The following INSRR variants were observed in gnomAD, a reference collection of about 807,000 sequenced individuals.
The protein encoded by INSRR is insulin receptor-related protein.
In INSRR, 114 loss-of-function variants were observed where a neutral mutation model predicts 130.0. The ratio of observed to expected loss-of-function variants is 0.88; its 90% CI spans 0.75 to 1.02. The LOEUF is 1.02. INSRR is among the 50% of genes least tolerant of loss of function. The probability of loss-of-function intolerance (pLI) is 0.00; values close to 1 mark genes in which losing one functional copy is unlikely to be tolerated. For synonymous variants in INSRR, 674 were observed against 705.2 expected (o/e 0.96, Z 0.70); for missense variants, 1,657 against 1,735.2 (o/e 0.95, Z 0.80).
chr1:156,844,945 T>G, intron 12 of INSRR, 102 bp from the exon 13 acceptor site: 1 of 1,562,654 alleles, frequency 6.4e-7, no homozygotes, highest in South Asian at 1.2e-5. Context: ...GGGAAAGCTT[T>G]GGGATTATGG....
In INSRR at chr1:156,852,151, G is replaced by C. The variant is rs376798720; in HGVS notation, c.678C>G (p.Gly226=). The part of the protein sequence containing the change: ...CPHGMACTAR[G]ECCHTECLGG... ...CCAGGCATTCGGTGTGGCAGCACTC[G>C]CCCCTCGCTGTGCAAGCCATCCCAT... is the stretch of plus-strand genomic sequence containing the variant. Residue 226 remains glycine, a synonymous_variant, in exon 3 of 22, where the codon GGC becomes GGG. Transcript: ENST00000368195. 1.2e-6 allele frequency: 2 copies of C among 1,609,798 alleles called. No homozygotes were observed. The highest frequency in any genetic ancestry group is 2.2e-5 in the South Asian group (2 of 90,550).
At position 156,848,611 on chromosome 1, in the gene INSRR, G is replaced by A. The variant is rs188934642; in HGVS notation, c.1571+310C>T. 4.6e-4 allele frequency among the ~76,000 whole-genome samples: 70 copies of A among 152,316 alleles called. No individual in the cohort carries two copies. The East Asian group carries it at 0.012, about 25-fold the overall frequency. On this transcript the variant is annotated intron_variant, in intron 7 of 21. Transcript: ENST00000368195. ...ACCGCTGCTGGGGCAGGAGCGTGTG[G>A]TCAGTGTAGAACATTAGCATAATGA...
chr1:156,849,513 G>GGGGGGGGGGGGGGGGGGC, intron 5 of INSRR, 53 bp from the exon 6 acceptor site: 7 of 486,120 alleles, frequency 1.4e-5, no homozygotes, highest in East Asian at 1.1e-4. Flanking sequence ...CAGGGGGTGG[G>GGGGGGGGGGGGGGGGGGC]AAAGGGGATG....
In INSRR at chr1:156,845,086, G is replaced by A; in HGVS notation, c.2427C>T (p.Thr809=). The A allele has an allele frequency of 6.2e-7, 1 of 1,607,818 alleles. No homozygotes were observed. Among genetic ancestry groups the A allele is most frequent in the Non-Finnish European group, 8.5e-7 (1 of 1,177,746 alleles). ...GTGTGGATCACCTACTGTGGGGCATGGTGCGCGCAAAGACGAAGGTGGCGG... is the reference window on the plus strand; with the variant it reads ...GTGTGGATCACCTACTGTGGGGCATAGTGCGCGCAAAGACGAAGGTGGCGG... The part of the protein sequence containing the change: ...CSAATFVFAR[T]MPHREADGIP... The change falls in exon 12 of 22, where the codon ACC becomes ACT. Residue 809 remains threonine (T), a synonymous_variant. Transcript: ENST00000368195.
chr1:156,842,017 G>A, intron 19 of INSRR, 95 bp downstream of exon 19: 1 of 1,586,408 alleles, frequency 6.3e-7, no homozygotes, highest in Non-Finnish European at 8.6e-7. Context: ...GGTCTCACAG[G>A]CTGTCAGGAC....
At chr1:156,850,531 ATTCTTTTT>A (rs1655168770) in intron 5 of INSRR, among the ~76,000 whole-genome samples, 6 of 97,022 alleles carry the variant, frequency 6.2e-5, no homozygotes, top group African/African-American at 1.9e-4. Flanking sequence ...AATTTAAAAC[ATTCTTTTT>A]TTTTTTTTTT....
At chr1:156,845,055 G>A (rs1275017233) in intron 12 of INSRR, 21 bp downstream of exon 12, 1 of 1,587,076 alleles carries the variant, frequency 6.3e-7, no homozygotes, top group South Asian at 1.1e-5. Context: ...GGGGTAGAAG[G>A]TGTGTGTGTG....
In INSRR at chr1:156,844,816, A is replaced by G. The variant is rs200802232; in HGVS notation, c.2465T>C (p.Val822Ala). 187 of 1,613,936 alleles carry G rather than the reference A, an allele frequency of 1.2e-4. No individual in the cohort carries two copies. The highest frequency in any genetic ancestry group is 1.5e-4 in the Non-Finnish European group (174 of 1,180,008). Residue 822 changes from valine to alanine, a missense_variant, in exon 13 of 22, where the codon GTG becomes GCG. Coordinates refer to ENST00000368195, the MANE Select transcript of INSRR (RefSeq NM_014215.3). ...HREADGIPGK[V>A]AWEASSKNSV... ...GTTCTTGCTGGAGGCCTCCCAGGCC[A>G]CCTTTCCTGGAATACCATCAGCCTC...
At chr1:156,857,157 C>CTGTGTTTG in intron 1 of INSRR, among the ~76,000 whole-genome samples, 1 of 121,388 alleles carries the variant, frequency 8.2e-6, no homozygotes, top group East Asian at 2.3e-4. Flanking sequence ...TGCCCAGCAG[C>CTGTGTTTG]TGTGTATGTG....
rs756016646 is a variant in INSRR, at chr1:156,858,568, G to A, written c.54C>T (p.Leu18=). The change falls in exon 1 of 22, where the codon CTC becomes CTT. Residue 18 remains leucine (L), a synonymous_variant. Transcript: ENST00000368195. ...CTGTATCCAGGCCAAATCCCAAGGA[G>A]AGGAAGATCACAGGCAGGCATGCTC... The part of the protein sequence containing the change: ...PWGACLPVIF[L]SLGFGLDTVE... 1.9e-5 allele frequency: 30 copies of A among 1,613,962 alleles called. No homozygotes were observed. In the South Asian group the frequency reaches 3.2e-4, roughly 17 times the overall value.
intron 10 of INSRR, 68 bp downstream of exon 10, chr1:156,845,551 T>G: frequency 8.6e-6 from 3 of 346,824 alleles, no homozygotes; most frequent in Non-Finnish European, 1.3e-5. Context: ...ACCCCACCCC[T>G]CCCGCAAGAC....
Position 156,841,526 on chromosome 1 carries a change from G to A in INSRR, c.3530C>T (p.Ser1177Phe), listed in dbSNP as rs574446043. The change falls in exon 21 of 22, where the codon TCC (serine) becomes TTC (phenylalanine). Residue 1177 changes from serine (S) to phenylalanine (F), a missense_variant and splice_region_variant. Ser to Phe is a radical substitution (Grantham distance 155, BLOSUM62 -2). Coordinates refer to ENST00000368195, the MANE Select transcript of INSRR (RefSeq NM_014215.3). ...GIFTTHSDVWSFGVVLWEIVT... is the reference protein window; with the variant it reads ...GIFTTHSDVWFFGVVLWEIVT... ...AATCTCCCAGAGTACCACGCCAAAG[G>A]ACCTGGGGGCATGCAGGAGCTCCTG... 2.5e-6 allele frequency: 4 copies of A among 1,613,984 alleles called. No individual in the cohort carries two copies. Among genetic ancestry groups the A allele is most frequent in the South Asian group, 1.1e-5 (1 of 91,074 alleles).
rs752651056 is a variant in INSRR at position 156,843,203 on chromosome 1, C to T, written c.2927G>A (p.Arg976Gln). ...MYVPDEWEVP[R>Q]EQISIIRELG... ...TTCCCGGATTATCGAGATCTGCTCC[C>T]GAGGCACCTCCCATTCATCAGGGAC... The change falls in exon 17 of 22, where the codon CGG becomes CAG. Residue 976 changes from arginine to glutamine, a missense_variant. Physicochemically the swap from Arg to Gln is conservative, Grantham distance 43 (BLOSUM62 1). Coordinates refer to ENST00000368195, the MANE Select transcript of INSRR (RefSeq NM_014215.3). The T allele has an allele frequency of 7.4e-6, 12 of 1,613,996 alleles. No individual in the cohort carries two copies. Among genetic ancestry groups the T allele is most frequent in the Admixed American group, 3.3e-5 (2 of 60,000 alleles).
At chr1:156,858,490 T>A in intron 1 of INSRR, 47 bp downstream of exon 1, 1 of 1,483,928 alleles carries the variant, frequency 6.7e-7, no homozygotes, top group Non-Finnish European at 9.4e-7. Flanking sequence ...GCCTCCCAGC[T>A]GGCTGGGAGG....
In INSRR at chr1:156,845,306, G is replaced by A. The variant is rs769801086; in HGVS notation, c.2217-10C>T. ...GTGCCGCCCTGAGTCCCTGGGGAGA[G>A]CGAGTCAGAGCCAAGGCCCAGCCCC... On this transcript the variant is annotated splice_polypyrimidine_tract_variant and intron_variant, in intron 11 of 21. Coordinates refer to ENST00000368195, the MANE Select transcript of INSRR (RefSeq NM_014215.3). 3.1e-6 allele frequency: 5 copies of A among 1,612,186 alleles called. No individual in the cohort carries two copies. The Admixed American group carries it at 5.0e-5, about 16-fold the overall frequency.
intron 7 of INSRR, among the ~76,000 whole-genome samples, chr1:156,848,091 A>G (rs1655073630): frequency 6.6e-6 from 1 of 151,702 alleles, no homozygotes; most frequent in Admixed American, 6.6e-5. Context: ...AGGAATCTGT[A>G]TTTAACAAAC....
In INSRR at chr1:156,841,145, C is replaced by T. The variant is rs766148962; in HGVS notation, c.3663-41G>A. 4 of 1,444,896 alleles carry T rather than the reference C, an allele frequency of 2.8e-6. No homozygotes were observed. In the South Asian group the frequency reaches 4.9e-5, roughly 18 times the overall value. 89.5% of individuals were successfully genotyped at this position (1,444,896 alleles called of 1,614,324 possible). A position where few individuals can be genotyped will look rare whatever the true frequency, so the allele number is the denominator to read the frequency against. ...AGCAGGGTCAGAGGCATCCGGGAGC[C>T]CCTGCCACGCTCTCAGCCTCCTGCA... On this transcript the variant is annotated intron_variant, in intron 21 of 21. Coordinates refer to ENST00000368195, the MANE Select transcript of INSRR (RefSeq NM_014215.3).
At position 156,850,541 on chromosome 1, in the gene INSRR, T is replaced by C. The variant is rs866255221; in HGVS notation, c.1229+749A>G. Among the ~76,000 whole-genome samples, 95 of 92,344 alleles carry C rather than the reference T, an allele frequency of 1.0e-3. 1 individual carries two copies. The highest frequency in any genetic ancestry group is 6.5e-3 in the African/African-American group (94 of 14,536). 60.6% of individuals were successfully genotyped at this position (92,344 alleles called of 152,430 possible). A position where few individuals can be genotyped will look rare whatever the true frequency, so the allele number is the denominator to read the frequency against. ...ATGGTAATTTAAAACATTCTTTTTT[T>C]TTTTTTTTTTTTTTTTTTTTTTTTG... is the stretch of plus-strand genomic sequence containing the variant. On this transcript the variant is annotated intron_variant, in intron 5 of 21. Transcript: ENST00000368195.
chr1:156,848,939 A>G lies in INSRR; in HGVS notation c.1553T>C (p.Ile518Thr). ...PLEARDLLSF[I>T]VYYKESPFQN... is the part of the protein sequence containing the mutation. ...CACTCACGACTCCTTGTAGTACACG[A>G]TGAAGCTGAGCAGGTCGCGGGCCTC... Residue 518 changes from isoleucine to threonine, a missense_variant, in exon 7 of 22, where the codon ATC becomes ACC. Transcript: ENST00000368195. 6.3e-7 allele frequency: 1 copy of G among 1,585,376 alleles called. No homozygotes were observed. The highest frequency in any genetic ancestry group is 8.6e-7 in the Non-Finnish European group (1 of 1,166,022).
Sources: gnomAD v4.1 joint callset for allele counts (sites outside exome capture counted in the v4.1 genomes callset) on GRCh38, gnomAD v4.1.1 for gene constraint, MANE v1.5 for transcripts, NCBI Gene and HGNC (gene_info 2026-07-23, HGNC 2026-07-21) for gene names.